Variants in SUMF1 observed in about 807,000 individuals in gnomAD.
SUMF1 encodes the protein formylglycine-generating enzyme.
Under a neutral mutation model 47.6 loss-of-function variants are expected in SUMF1, and 48 were observed. That is an observed-to-expected ratio of 1.01 (90% confidence interval 0.80 to 1.28). The LOEUF (loss-of-function observed/expected upper bound fraction) is 1.28, where lower values mean the gene tolerates loss of function less well. SUMF1 is among the 50% of genes most tolerant of loss of function. The pLI is 0.00. For missense variants in SUMF1, 571 were observed against 485.4 expected, an observed-to-expected ratio of 1.18 and a Z score of -1.66; for synonymous variants, 230 against 192.1, an observed-to-expected ratio of 1.20 and a Z score of -1.63.
chr3:4,117,997 C>T (rs923467226), intron 8 of SUMF1, among the ~76,000 whole-genome samples: 1 of 152,046 alleles, frequency 6.6e-6, no homozygotes, highest in South Asian at 2.1e-4. Context: ...GAATAGGTGT[C>T]TTTGAAGCAG....
chr3:4,459,455 A>C lies in SUMF1; in HGVS notation c.271-6406T>G, dbSNP rs549144274. On this transcript the variant is annotated intron_variant, in intron 1 of 8. Coordinates refer to ENST00000272902, the MANE Select transcript of SUMF1 (RefSeq NM_182760.4). ...TACGGGCAGAAGCATTAGAAAAATAACATCAGAAGAAACAGAAATTAGGAA... is the reference window on the plus strand; with the variant it reads ...TACGGGCAGAAGCATTAGAAAAATACCATCAGAAGAAACAGAAATTAGGAA... 7.4e-4 allele frequency among the ~76,000 whole-genome samples: 112 copies of C among 152,364 alleles called. 1 individual carries two copies. Among genetic ancestry groups the C allele is most frequent in the African/African-American group, 2.6e-3 (108 of 41,594 alleles).
intron 7 of SUMF1, among the ~76,000 whole-genome samples, chr3:4,396,454 C>T (rs1701040922): frequency 6.6e-6 from 1 of 152,218 alleles, no homozygotes; most frequent in South Asian, 2.1e-4. Flanking sequence ...GGAGGCATCA[C>T]CACGGGACCT....
chr3:4,102,363 AC>A (rs1371841863), intron 8 of SUMF1, among the ~76,000 whole-genome samples: 1 of 152,044 alleles, frequency 6.6e-6, no homozygotes, highest in African/African-American at 2.4e-5. Flanking sequence ...CCATCAAGAA[AC>A]CCTTATTAAC....
At chr3:4,447,195 T>C (rs60585243) in intron 3 of SUMF1, among the ~76,000 whole-genome samples, 1 of 151,856 alleles carries the variant, frequency 6.6e-6, no homozygotes, top group Non-Finnish European at 1.5e-5. Flanking sequence ...AAAGATTTTT[T>C]TAAAAAAAAA....
At chr3:4,457,830 TG>T (rs1290233572) in intron 1 of SUMF1, among the ~76,000 whole-genome samples, 3 of 152,158 alleles carry the variant, frequency 2.0e-5, no homozygotes, top group Non-Finnish European at 2.9e-5. Context: ...GACACAGGCC[TG>T]GCAAAGATTT....
chr3:4,190,339 G>A (rs1007557284), intron 8 of SUMF1, among the ~76,000 whole-genome samples: 1 of 152,142 alleles, frequency 6.6e-6, no homozygotes, highest in Non-Finnish European at 1.5e-5. Flanking sequence ...CGACAGCAAC[G>A]TGTCTGTAGG....
intron 8 of SUMF1, among the ~76,000 whole-genome samples, chr3:4,272,384 G>T (rs768151985): frequency 6.6e-6 from 1 of 152,168 alleles, no homozygotes; most frequent in South Asian, 2.1e-4. Flanking sequence ...GAATTGTTCT[G>T]AGTTGGGACA....
intron 7 of SUMF1, among the ~76,000 whole-genome samples, chr3:4,405,742 C>T (rs1468439243): frequency 6.6e-6 from 1 of 152,194 alleles, no homozygotes; most frequent in Non-Finnish European, 1.5e-5. Context: ...GGACACTTTC[C>T]AAAATGTGTC....
rs370051958 is a variant in SUMF1 at position 4,369,004 on chromosome 3, C to T, written c.1015-6750G>A. Among the ~76,000 whole-genome samples, 185 of 151,400 alleles carry T rather than the reference C, an allele frequency of 1.2e-3. 3 individuals carry two copies. Among genetic ancestry groups the T allele is most frequent in the East Asian group, 9.7e-4 (5 of 5,136 alleles). On this transcript the variant is annotated intron_variant, in intron 8 of 8. Transcript: ENST00000272902. ...AATAACTTTAGAATCTGTGCAGAAG[C>T]GATAATTTGGACTCAGGGGGAAGAT...
chr3:4,292,042 C>T (rs537346773), intron 8 of SUMF1, among the ~76,000 whole-genome samples: 1 of 152,186 alleles, frequency 6.6e-6, no homozygotes, highest in East Asian at 1.9e-4. Context: ...AAAGTACAAC[C>T]AAAGATTGAA....
chr3:4,231,256 T>C (rs1242808), intron 8 of SUMF1, among the ~76,000 whole-genome samples: 28,354 of 152,086 alleles, frequency 0.19, 3,191 homozygotes, highest in South Asian at 0.38. Flanking sequence ...TATGTAATCT[T>C]AGCCAGGTCA....
At chr3:4,284,441 AAGGAGGAGGAGGAGG>A (rs72201582) in intron 8 of SUMF1, among the ~76,000 whole-genome samples, 2 of 91,640 alleles carry the variant, frequency 2.2e-5, no homozygotes, top group South Asian at 2.8e-4. Flanking sequence ...TAAAAAATGA[AAGGAGGAGGAGGAGG>A]AGGAGGAGGA....
At chr3:4,052,750 G>T (rs1388603812) in intron 9 of SUMF1, among the ~76,000 whole-genome samples, 1 of 152,074 alleles carries the variant, frequency 6.6e-6, no homozygotes, top group Non-Finnish European at 1.5e-5. Flanking sequence ...ACATATTGTG[G>T]GTTTGGTCCT....
chr3:4,452,395 C>G (rs559634062), intron 2 of SUMF1, among the ~76,000 whole-genome samples: 1 of 152,018 alleles, frequency 6.6e-6, no homozygotes, highest in Non-Finnish European at 1.5e-5. Flanking sequence ...AATAAAGACA[C>G]GAAAATGAAA....
chr3:4,195,440 G>C (rs1281069179), intron 8 of SUMF1, among the ~76,000 whole-genome samples: 2 of 152,210 alleles, frequency 1.3e-5, no homozygotes, highest in South Asian at 2.1e-4. Flanking sequence ...AACAAGGCAA[G>C]AGCTGTACCT....
At chr3:4,382,498 T>C (rs573920216) in intron 7 of SUMF1, among the ~76,000 whole-genome samples, 2 of 152,194 alleles carry the variant, frequency 1.3e-5, no homozygotes, top group South Asian at 2.1e-4. Context: ...CTTTTAAAAA[T>C]AGATCATTTG....
chr3:4,417,977 A>G, intron 5 of SUMF1, 33 bp downstream of exon 5: 2 of 1,613,680 alleles, frequency 1.2e-6, no homozygotes, highest in Non-Finnish European at 8.5e-7. Flanking sequence ...AATGACCAAC[A>G]TATTGTCAGG....
At chr3:4,227,188 G>A (rs1036645382) in intron 8 of SUMF1, among the ~76,000 whole-genome samples, 4 of 152,040 alleles carry the variant, frequency 2.6e-5, no homozygotes, top group African/African-American at 7.2e-5. Flanking sequence ...CAACACATCC[G>A]TCTCCTTCCT....
chr3:4,051,475 A>C (rs186348973), intron 9 of SUMF1, among the ~76,000 whole-genome samples: 125 of 152,270 alleles, frequency 8.2e-4, no homozygotes, highest in Admixed American at 6.1e-3. Flanking sequence ...AAAGGAAAAA[A>C]ATCCCCAAAT....
Sources: allele counts gnomAD v4.1 joint callset (sites outside exome capture counted in the v4.1 genomes callset), GRCh38; gene constraint gnomAD v4.1.1; transcripts MANE v1.5; gene names NCBI Gene and HGNC (gene_info 2026-07-23, HGNC 2026-07-21).